ITCH: variants seen among roughly 807,000 people sequenced by gnomAD.
ITCH encodes itchy E3 ubiquitin protein ligase, also known as E3 ubiquitin-protein ligase Itchy homolog.
A neutral mutation model predicts 126.8 loss-of-function variants in ITCH; 28 were observed. That is an observed-to-expected ratio of 0.22 (90% CI 0.16 to 0.30). The LOEUF (loss-of-function observed/expected upper bound fraction) is 0.30. Among genes scored for constraint, ITCH ranks in the 10% least tolerant of loss-of-function variants. The probability of loss-of-function intolerance (pLI) is 1.00; values close to 1 mark genes in which losing one functional copy is unlikely to be tolerated. For synonymous variants in ITCH, 342 were observed against 340.0 expected (o/e 1.01, Z -0.06); for missense variants, 631 against 1,032.4 (o/e 0.61, Z 5.33).
At chr20:34,436,813 C>T (rs1297418334) in intron 7 of ITCH, among the ~76,000 whole-genome samples, 1 of 152,182 alleles carries the variant, frequency 6.6e-6, no homozygotes, top group East Asian at 1.9e-4. Flanking sequence ...TTCTGTGGTA[C>T]ACAGTTTGAA....
intron 16 of ITCH, among the ~76,000 whole-genome samples, chr20:34,474,886 C>T (rs1299622289): frequency 6.6e-6 from 1 of 151,894 alleles, no homozygotes; most frequent in African/African-American, 2.4e-5. Flanking sequence ...GGAGGGGCTC[C>T]TCACTTCTCA....
intron 14 of ITCH, among the ~76,000 whole-genome samples, chr20:34,465,748 G>A (rs1416163119): frequency 6.6e-6 from 1 of 152,054 alleles, no homozygotes; most frequent in Non-Finnish European, 1.5e-5. Flanking sequence ...ACTATTTTGT[G>A]TTGACTTTGT....
intron 3 of ITCH, among the ~76,000 whole-genome samples, chr20:34,405,498 T>G (rs1241571389): frequency 6.7e-6 from 1 of 149,618 alleles, no homozygotes; most frequent in Non-Finnish European, 1.5e-5. Context: ...AGAGCGAAAC[T>G]CCTATCTCAA....
chr20:34,454,088 T>G (rs1398386649), intron 12 of ITCH, among the ~76,000 whole-genome samples: 5 of 152,178 alleles, frequency 3.3e-5, no homozygotes, highest in Non-Finnish European at 7.4e-5. Flanking sequence ...TGAACTTATC[T>G]TGCTGTTATG....
In ITCH at chr20:34,400,438, T is replaced by C. The variant is rs115185730; in HGVS notation, c.70+6557T>C. ...GAGGAGACAGCATGAGCAAGACACA[T>C]GAAAGAAGAGAGTACACAAAACTTG... On this transcript the variant is annotated intron_variant, in intron 3 of 24. Transcript: ENST00000374864. Among the ~76,000 whole-genome samples the C allele has an allele frequency of 4.7e-3, 709 of 152,022 alleles. 8 individuals carry two copies. The highest frequency in any genetic ancestry group is 0.017 in the African/African-American group (688 of 41,464).
chr20:34,476,106 T>C, intron 16 of ITCH: 4 of 912,480 alleles, frequency 4.4e-6, no homozygotes, highest in Non-Finnish European at 7.4e-6. Flanking sequence ...ACTTCTCATA[T>C]ATGTGATCTT....
intron 6 of ITCH, among the ~76,000 whole-genome samples, chr20:34,423,732 T>C (rs1480902250): frequency 6.6e-6 from 1 of 152,118 alleles, no homozygotes; most frequent in Non-Finnish European, 1.5e-5. Context: ...GCCTCCCAAG[T>C]AGCTGGGATT....
intron 20 of ITCH, among the ~76,000 whole-genome samples, chr20:34,483,951 C>T (rs1988935588): frequency 6.6e-6 from 1 of 152,130 alleles, no homozygotes; most frequent in Admixed American, 6.5e-5. Context: ...TGAATGGCAG[C>T]CGGCAAAGAG....
chr20:34,408,287 T>C (rs756050880), intron 3 of ITCH, among the ~76,000 whole-genome samples: 1 of 152,202 alleles, frequency 6.6e-6, no homozygotes, highest in African/African-American at 2.4e-5. Context: ...TTTTCCAGAT[T>C]GGTCTTCGAC....
chr20:34,470,172 T>C (rs766485209), intron 15 of ITCH, 52 bp downstream of exon 15: 4 of 1,130,816 alleles, frequency 3.5e-6, no homozygotes, highest in Middle Eastern at 2.0e-4. Context: ...TGTGTTGCTT[T>C]ATATTACACA....
At chr20:34,420,914 G>A (rs1328577400) in intron 6 of ITCH, among the ~76,000 whole-genome samples, 1 of 152,140 alleles carries the variant, frequency 6.6e-6, no homozygotes, top group Non-Finnish European at 1.5e-5. Flanking sequence ...AACTGGGAAC[G>A]CTTCAACTCC....
At chr20:34,443,812 C>G (rs1984083695) in intron 10 of ITCH, among the ~76,000 whole-genome samples, 1 of 151,948 alleles carries the variant, frequency 6.6e-6, no homozygotes, top group Admixed American at 6.6e-5. Flanking sequence ...TAGTGAGACC[C>G]CATCACTATA....
intron 15 of ITCH, among the ~76,000 whole-genome samples, chr20:34,471,063 T>C (rs560955043): frequency 6.6e-6 from 1 of 152,316 alleles, no homozygotes; most frequent in South Asian, 2.1e-4. Flanking sequence ...GGGTTCTAAA[T>C]CAAATGAATG....
At chr20:34,404,217 T>A (rs1295111275) in intron 3 of ITCH, among the ~76,000 whole-genome samples, 4 of 152,042 alleles carry the variant, frequency 2.6e-5, no homozygotes, top group African/African-American at 9.7e-5. Flanking sequence ...TAGTTTTTTA[T>A]TTTTTTGTTT....
chr20:34,441,735 A>G (rs1307214151), intron 9 of ITCH: 1 of 200,750 alleles, frequency 5.0e-6, no homozygotes, highest in African/African-American at 2.3e-5. Context: ...ACAGGTGCCC[A>G]CCATCATGCC....
chr20:34,467,875 A>G (rs1458496038), intron 14 of ITCH, among the ~76,000 whole-genome samples: 3 of 151,282 alleles, frequency 2.0e-5, no homozygotes, highest in African/African-American at 7.3e-5. Flanking sequence ...AGTAGAGATG[A>G]GGTTTCAGGC....
At chr20:34,467,611 T>A (rs2146401796) in intron 14 of ITCH, among the ~76,000 whole-genome samples, 1 of 151,712 alleles carries the variant, frequency 6.6e-6, no homozygotes, top group East Asian at 1.9e-4. Flanking sequence ...AACTTATAAG[T>A]TATAAATTAA....
intron 3 of ITCH, chr20:34,401,767 G>GA (rs896678440): frequency 8.5e-5 from 29 of 342,932 alleles, no homozygotes; most frequent in South Asian, 1.2e-4. Context: ...AGAGGAGGGG[G>GA]AAAAAAAACC....
chr20:34,421,527 G>C (rs1980760808), intron 6 of ITCH, among the ~76,000 whole-genome samples: 1 of 152,186 alleles, frequency 6.6e-6, no homozygotes, highest in Non-Finnish European at 1.5e-5. Context: ...CAATACGTTT[G>C]TAAAATGCAG....
Sources: gnomAD v4.1 joint callset for allele counts (sites outside exome capture counted in the v4.1 genomes callset) on GRCh38, gnomAD v4.1.1 for gene constraint, MANE v1.5 for transcripts, NCBI Gene and HGNC (gene_info 2026-07-23, HGNC 2026-07-21) for gene names.